Variants in PCDHGA7 observed in about 807,000 individuals in gnomAD.
The protein encoded by PCDHGA7 is protocadherin gamma-A7.
In PCDHGA7, 44 loss-of-function variants were observed where a neutral mutation model predicts 58.3. That is an observed-to-expected ratio of 0.75 (90% CI 0.59 to 0.97). PCDHGA7 has a LOEUF of 0.97. PCDHGA7 is among the 50% of genes least tolerant of loss of function. The probability of loss-of-function intolerance (pLI) is 0.00; values close to 1 mark genes in which losing one functional copy is unlikely to be tolerated. For synonymous variants in PCDHGA7, 516 were observed against 504.2 expected (o/e 1.02, Z -0.31); for missense variants, 1,266 against 1,188.7 (o/e 1.06, Z -0.96).
intron 1 of PCDHGA7, chr5:141,409,578 T>A: frequency 6.2e-7 from 1 of 1,613,942 alleles, no homozygotes. Context: ...TCCTACGTGG[T>A]CCACGTGGCC....
chr5:141,417,112 G>T (rs1399534957), intron 1 of PCDHGA7: 3 of 152,030 alleles, frequency 2.0e-5, no homozygotes, highest in African/African-American at 7.3e-5. Flanking sequence ...AGCAATACAG[G>T]ACACCCTGGA....
At chr5:141,417,030 T>G (rs1460954160) in intron 1 of PCDHGA7, 1 of 86,454 alleles carries the variant, frequency 1.2e-5, no homozygotes, top group East Asian at 2.9e-4. Flanking sequence ...AAATACAGGT[T>G]TTTTTTTTAA....
chr5:141,474,325 C>A (rs540113771), intron 1 of PCDHGA7, among the ~76,000 whole-genome samples: 1 of 152,256 alleles, frequency 6.6e-6, no homozygotes, highest in Admixed American at 6.5e-5. Context: ...TTTCAAATCA[C>A]CCTGATGTTT....
In PCDHGA7 at chr5:141,414,837, G is replaced by C. The variant is rs776651290; in HGVS notation, c.2424+29514G>C. On this transcript the variant is annotated intron_variant, in intron 1 of 3. Coordinates refer to ENST00000518325, the MANE Select transcript of PCDHGA7 (RefSeq NM_018920.4). ...TCAGCAGCAACGTGTCGTTGAGCCT[G>C]TTTGTGCTGGACCAGAACGACAATG... The C allele has an allele frequency of 2.4e-5, 38 of 1,614,232 alleles. No homozygotes were observed. In the Admixed American group the frequency reaches 5.8e-4, roughly 25 times the overall value.
At chr5:141,469,543 C>T (rs1031152008) in intron 1 of PCDHGA7, among the ~76,000 whole-genome samples, 1 of 152,040 alleles carries the variant, frequency 6.6e-6, no homozygotes, top group Non-Finnish European at 1.5e-5. Context: ...CCACTGCACT[C>T]CAGCCTGGCG....
chr5:141,444,524 A>G (rs563709940), intron 1 of PCDHGA7, among the ~76,000 whole-genome samples: 47 of 152,224 alleles, frequency 3.1e-4, no homozygotes, highest in African/African-American at 1.1e-3. Context: ...AGTAGGTGAG[A>G]CAGTGACTGT....
intron 1 of PCDHGA7, chr5:141,419,815 A>T: frequency 6.2e-7 from 1 of 1,613,988 alleles, no homozygotes. Context: ...GAGGACAGCC[A>T]CCCCTTTCAG....
chr5:141,484,242 A>G (rs995022030), intron 1 of PCDHGA7, among the ~76,000 whole-genome samples: 1 of 152,216 alleles, frequency 6.6e-6, no homozygotes, highest in African/African-American at 2.4e-5. Flanking sequence ...TCTGGTCCTT[A>G]GCACCTCCCA....
rs553462245 is a variant in PCDHGA7 at position 141,511,198 on chromosome 5, A to T, written c.*25A>T. Reference sequence around the variant, plus strand: ...ACATGGAGGCCAGGCCAAGAGCCACAGGGCGGCCTCTCCCCAACCAGCCCA... The same window carrying T: ...ACATGGAGGCCAGGCCAAGAGCCACTGGGCGGCCTCTCCCCAACCAGCCCA... On this transcript the variant is annotated 3_prime_UTR_variant, in exon 4 of 4. Transcript: ENST00000518325. The T allele has an allele frequency of 2.7e-5, 43 of 1,612,954 alleles. 1 individual carries two copies. The South Asian group carries it at 4.5e-4, about 17-fold the overall frequency.
chr5:141,422,961 G>A, intron 1 of PCDHGA7: 1 of 1,614,234 alleles, frequency 6.2e-7, no homozygotes, highest in Non-Finnish European at 8.5e-7. Flanking sequence ...GCGTGGAGCT[G>A]GCGCCCCGCT....
At chr5:141,389,785 ACGCCGTC>A (rs1561627912) in intron 1 of PCDHGA7, 1 of 1,613,332 alleles carries the variant, frequency 6.2e-7, no homozygotes. Context: ...GGCGACAGGG[ACGCCGTC>A]CGCCAGCGCC....
At chr5:141,466,107 G>T (rs1463944825) in intron 1 of PCDHGA7, among the ~76,000 whole-genome samples, 1 of 151,928 alleles carries the variant, frequency 6.6e-6, no homozygotes, top group East Asian at 1.9e-4. Flanking sequence ...GGGCAACAGA[G>T]TGAGACTCCA....
intron 1 of PCDHGA7, chr5:141,387,746 C>T (rs1051013306): frequency 1.5e-6 from 2 of 1,365,936 alleles, no homozygotes; most frequent in Non-Finnish European, 9.8e-7. Flanking sequence ...ACACCGCTTC[C>T]TCCTCGGAAA....
At chr5:141,509,169 T>C (rs1321257504) in intron 3 of PCDHGA7, among the ~76,000 whole-genome samples, 2 of 152,174 alleles carry the variant, frequency 1.3e-5, no homozygotes, top group African/African-American at 4.8e-5. Context: ...TGTGCCCTCC[T>C]CCTCTTATGC....
In PCDHGA7 at chr5:141,384,790, G is replaced by T. The variant is rs999175494; in HGVS notation, c.1891G>T (p.Ala631Ser). ...LYTGEVRTAR[A>S]LLDRDALKQS... Reference sequence around the variant, plus strand: ...CACGGGCGAGGTGCGCACGGCTCGGGCCCTGCTGGACAGAGATGCCCTCAA... The same window carrying T: ...CACGGGCGAGGTGCGCACGGCTCGGTCCCTGCTGGACAGAGATGCCCTCAA... Residue 631 changes from alanine (A) to serine (S), a missense_variant, in exon 1 of 4, where the codon GCC (alanine) becomes TCC (serine). By Grantham distance (99) the Ala-to-Ser change is moderately conservative. Coordinates refer to ENST00000518325, the MANE Select transcript of PCDHGA7 (RefSeq NM_018920.4). 1.2e-6 allele frequency: 2 copies of T among 1,613,416 alleles called. No individual in the cohort carries two copies. The highest frequency in any genetic ancestry group is 2.7e-5 in the African/African-American group (2 of 74,944).
At chr5:141,484,789 A>T (rs1215899787) in intron 1 of PCDHGA7, among the ~76,000 whole-genome samples, 1 of 152,132 alleles carries the variant, frequency 6.6e-6, no homozygotes, top group Non-Finnish European at 1.5e-5. Flanking sequence ...CCACAGAGAT[A>T]ACAACCCGTG....
intron 1 of PCDHGA7, among the ~76,000 whole-genome samples, chr5:141,457,384 G>A (rs2154565902): frequency 6.6e-6 from 1 of 152,270 alleles, no homozygotes; most frequent in African/African-American, 2.4e-5. Context: ...CCCAGAACTA[G>A]CATATTGATT....
chr5:141,383,440 G>C lies in PCDHGA7; in HGVS notation c.541G>C (p.Ala181Pro). Reference sequence around the variant, plus strand: ...CAGCCCCAATCGCCACTTCTCCCTGGCTGTGCAAAGTGGAGACGATGAAAC... The same window carrying C: ...CAGCCCCAATCGCCACTTCTCCCTGCCTGTGCAAAGTGGAGACGATGAAAC... ...QLSPNRHFSL[A>P]VQSGDDETKY... The change falls in exon 1 of 4, where the codon GCT becomes CCT. Residue 181 changes from alanine to proline, a missense_variant. Ala to Pro is a conservative substitution (Grantham distance 27). Transcript: ENST00000518325. 1 of 1,613,950 alleles carries C rather than the reference G, an allele frequency of 6.2e-7. No individual in the cohort carries two copies. Among genetic ancestry groups the C allele is most frequent in the African/African-American group, 1.3e-5 (1 of 75,052 alleles).
In PCDHGA7 at chr5:141,408,237, G is replaced by C. The variant is rs1445060280; in HGVS notation, c.2424+22914G>C. 3.2e-6 allele frequency: 5 copies of C among 1,575,002 alleles called. No individual in the cohort carries two copies. In the South Asian group the frequency reaches 4.6e-5, roughly 14 times the overall value. On this transcript the variant is annotated intron_variant, in intron 1 of 3. Transcript: ENST00000518325. ...AGCTGCGCGCAGAGGCGCCGGGCCG[G>C]CCCGCGGCAGGTGCTATTTCCTTTG...
Sources: gnomAD v4.1 joint callset for allele counts (sites outside exome capture counted in the v4.1 genomes callset) on GRCh38, gnomAD v4.1.1 for gene constraint, MANE v1.5 for transcripts, NCBI Gene and HGNC (gene_info 2026-07-23, HGNC 2026-07-21) for gene names.